CCM2: variants seen among roughly 807,000 people sequenced by gnomAD.
CCM2 encodes the protein CCM2 scaffold protein, also known as cerebral cavernous malformations 2 protein.
A neutral mutation model predicts 44.9 loss-of-function variants in CCM2; 25 were observed. The observed-to-expected ratio is 0.56, with a 90% CI of 0.41 to 0.78. The LOEUF (loss-of-function observed/expected upper bound fraction) is 0.78. Among genes scored for constraint, CCM2 ranks in the 30% least tolerant of loss-of-function variants. The probability of loss-of-function intolerance (pLI) is 0.00; values close to 1 mark genes in which losing one functional copy is unlikely to be tolerated. For synonymous variants in CCM2, 219 were observed against 241.1 expected, an observed-to-expected ratio of 0.91 and a Z score of 0.85; for missense variants, 481 against 580.6, an observed-to-expected ratio of 0.83 and a Z score of 1.76.
intron 1 of CCM2, among the ~76,000 whole-genome samples, chr7:45,004,858 G>T (rs796977250): frequency 1.4e-4 from 22 of 152,170 alleles, no homozygotes; most frequent in African/African-American, 5.3e-4. Flanking sequence ...TTAGCTGAGC[G>T]TGGTGGTGGG....
At chr7:45,046,894 G>A (rs549898108) in intron 2 of CCM2, among the ~76,000 whole-genome samples, 1 of 152,212 alleles carries the variant, frequency 6.6e-6, no homozygotes, top group African/African-American at 2.4e-5. Flanking sequence ...CAAACAATCC[G>A]ATTAAGACAT....
chr7:45,033,087 G>T (rs998037603), intron 1 of CCM2, among the ~76,000 whole-genome samples: 14 of 150,388 alleles, frequency 9.3e-5, no homozygotes, highest in Non-Finnish European at 1.6e-4. Context: ...AAGGCCAGAG[G>T]AGGAAAGAGC....
chr7:45,075,835 C>T lies in CCM2; in HGVS notation c.1113C>T (p.Thr371=). The change falls in exon 10 of 10, where the codon ACC becomes ACT. Residue 371 remains threonine (T), a synonymous_variant. Transcript: ENST00000258781. Reference sequence around the variant, plus strand: ...AGCACTTCGAGAACTTCCTGGAGACCATTGGCGTGAAGGATGGCCGCGGCA... The same window carrying T: ...AGCACTTCGAGAACTTCCTGGAGACTATTGGCGTGAAGGATGGCCGCGGCA... ...DSQHFENFLE[T]IGVKDGRGII... 1.2e-6 allele frequency: 2 copies of T among 1,613,778 alleles called. No homozygotes were observed. Among genetic ancestry groups the T allele is most frequent in the Non-Finnish European group, 1.7e-6 (2 of 1,180,022 alleles).
chr7:45,014,003 T>A lies in CCM2; in HGVS notation c.30+13640T>A, dbSNP rs192930327. Among the ~76,000 whole-genome samples, 84 of 152,320 alleles carry A rather than the reference T, an allele frequency of 5.5e-4. No homozygotes were observed. In the Middle Eastern group the frequency reaches 0.01, roughly 19 times the overall value. On this transcript the variant is annotated intron_variant, in intron 1 of 9. Transcript: ENST00000258781. The stretch of plus-strand genomic sequence containing the variant: ...AAGTTTCTTCATTTTAAAGTTCTTA[T>A]TTATTCTTATTTTACTTACAAGACT...
At position 45,075,925 on chromosome 7, in the gene CCM2, T is replaced by C. The variant is rs367740781; in HGVS notation, c.1203T>C (p.Asn401=). The C allele has an allele frequency of 7.4e-5, 119 of 1,612,904 alleles. No homozygotes were observed. The East Asian group carries it at 2.3e-3, about 32-fold the overall frequency. ...GCACCACATCCAGTTCCACCACCAA[T>C]GGGAACAGGGCCACGGGCAGCTCTG... ...ALSTTSSSTT[N]GNRATGSSDD... Residue 401 remains asparagine (N), a synonymous_variant, in exon 10 of 10, where the codon AAT becomes AAC. Transcript: ENST00000258781.
At chr7:45,054,750 C>A (rs962188922) in intron 2 of CCM2, among the ~76,000 whole-genome samples, 9 of 152,164 alleles carry the variant, frequency 5.9e-5, no homozygotes, top group African/African-American at 2.2e-4. Flanking sequence ...CACCGTGGTC[C>A]TCTCTCTTGT....
At chr7:45,028,774 G>A (rs138366695) in intron 1 of CCM2, among the ~76,000 whole-genome samples, 1 of 151,956 alleles carries the variant, frequency 6.6e-6, no homozygotes, top group Non-Finnish European at 1.5e-5. Flanking sequence ...TCCATTGGTA[G>A]GCACCAAAGC....
At chr7:45,071,661 G>C (rs1471977003) in intron 6 of CCM2, 2 of 412,918 alleles carry the variant, frequency 4.8e-6, no homozygotes, top group African/African-American at 4.1e-5. Context: ...TCCTTCTGGA[G>C]GCTCCAGAGA....
In CCM2 at chr7:45,000,208, T is replaced by TC; in HGVS notation, c.-125dup. The TC allele has an allele frequency of 2.2e-6, 1 of 451,284 alleles. No homozygotes were observed. Among genetic ancestry groups the TC allele is most frequent in the South Asian group, 9.5e-5 (1 of 10,546 alleles). The allele number at this position is 451,284 out of a possible 1,614,324, so 28.0% of individuals were successfully genotyped here. A position where few individuals can be genotyped will look rare whatever the true frequency, so the allele number is the denominator to read the frequency against. On this transcript the variant is annotated 5_prime_UTR_variant, in exon 1 of 10. Coordinates refer to ENST00000258781, the MANE Select transcript of CCM2 (RefSeq NM_031443.4). ...GTGGGGCGCGGCCGGGGCGGAGACT[T>TC]CGGGCCCGGCTGGCGGGCGGCGCCG...
chr7:45,041,061 A>C (rs1797472777), intron 2 of CCM2, among the ~76,000 whole-genome samples: 1 of 152,210 alleles, frequency 6.6e-6, no homozygotes, highest in African/African-American at 2.4e-5. Context: ...GGGGTCTGCC[A>C]GGGAAAGGAA....
At chr7:45,037,892 T>C (rs370305018) in intron 1 of CCM2, among the ~76,000 whole-genome samples, 9 of 152,232 alleles carry the variant, frequency 5.9e-5, no homozygotes, top group East Asian at 1.9e-4. Context: ...GTGTCCCAGC[T>C]GAGCTGGAAA....
Position 45,000,241 on chromosome 7 carries a change from G to A in CCM2, c.-93G>A, listed in dbSNP as rs1795530249. The A allele has an allele frequency of 1.2e-6, 1 of 804,978 alleles. No individual in the cohort carries two copies. The highest frequency in any genetic ancestry group is 1.5e-6 in the Non-Finnish European group (1 of 657,664). 49.9% of individuals were successfully genotyped at this position (804,978 alleles called of 1,614,324 possible). A position where few individuals can be genotyped will look rare whatever the true frequency, so the allele number is the denominator to read the frequency against. ...GGCTGGCGGGCGGCGCCGGGAGCGC[G>A]GGGGCGGCGGGCCCGGGTCGAGCAT... On this transcript the variant is annotated 5_prime_UTR_variant, in exon 1 of 10. Coordinates refer to ENST00000258781, the MANE Select transcript of CCM2 (RefSeq NM_031443.4).
intron 2 of CCM2, among the ~76,000 whole-genome samples, chr7:45,038,996 A>T (rs963673385): frequency 6.6e-6 from 1 of 152,230 alleles, no homozygotes; most frequent in Non-Finnish European, 1.5e-5. Context: ...ACAGTGGATG[A>T]GGTGGTCCGT....
intron 2 of CCM2, among the ~76,000 whole-genome samples, chr7:45,051,098 C>G (rs1007484382): frequency 1.1e-4 from 16 of 152,164 alleles, no homozygotes; most frequent in Non-Finnish European, 1.5e-5. Flanking sequence ...ACACTCCACC[C>G]TGCACTTCCT....
chr7:45,054,239 G>A (rs1205216301), intron 2 of CCM2, among the ~76,000 whole-genome samples: 6 of 152,092 alleles, frequency 3.9e-5, no homozygotes, highest in Admixed American at 1.3e-4. Context: ...AGGCCTATGT[G>A]TTATATTCAA....
chr7:45,012,217 T>C (rs1297992489), intron 1 of CCM2, among the ~76,000 whole-genome samples: 1 of 145,438 alleles, frequency 6.9e-6, no homozygotes. Flanking sequence ...AACTGCAACC[T>C]CCACCTCCTG....
At chr7:45,036,203 C>T (rs1430765309) in intron 1 of CCM2, among the ~76,000 whole-genome samples, 2 of 152,206 alleles carry the variant, frequency 1.3e-5, no homozygotes, top group East Asian at 1.9e-4. Context: ...GTGGTGGCAG[C>T]GTTAGTGCAC....
intron 1 of CCM2, among the ~76,000 whole-genome samples, chr7:45,037,600 T>A (rs748276013): frequency 4.6e-4 from 70 of 152,022 alleles, no homozygotes; most frequent in Middle Eastern, 6.8e-3. Context: ...GTATTTTTAG[T>A]AGAGATGGGG....
At chr7:45,029,877 C>CT (rs780128987) in intron 1 of CCM2, among the ~76,000 whole-genome samples, 161 of 152,314 alleles carry the variant, frequency 1.1e-3, no homozygotes, top group Non-Finnish European at 1.9e-3. Flanking sequence ...AGGTTTCCAA[C>CT]TTTAAGAGTT....
Sources: gnomAD v4.1 joint callset for allele counts (sites outside exome capture counted in the v4.1 genomes callset) on GRCh38, gnomAD v4.1.1 for gene constraint, MANE v1.5 for transcripts, NCBI Gene and HGNC (gene_info 2026-07-23, HGNC 2026-07-21) for gene names.